The following GRIN2B variants were observed in gnomAD, a reference collection of about 807,000 sequenced individuals.
GRIN2B encodes glutamate receptor ionotropic, NMDA 2B.
Under a neutral mutation model 114.5 loss-of-function variants are expected in GRIN2B, and 5 were observed. The ratio of observed to expected loss-of-function variants is 0.04; its 90% CI spans 0.02 to 0.09. GRIN2B has a LOEUF of 0.09. GRIN2B is among the 10% of genes least tolerant of loss of function. GRIN2B has a pLI of 1.00. For missense variants in GRIN2B, 1,108 were observed against 1,943.5 expected (o/e 0.57, Z 8.08); for synonymous variants, 787 against 745.1 (o/e 1.06, Z -0.92).
At chr12:13,807,035 A>G (rs1307905442) in intron 3 of GRIN2B, among the ~76,000 whole-genome samples, 2 of 152,106 alleles carry the variant, frequency 1.3e-5, no homozygotes, top group Non-Finnish European at 2.9e-5. Context: ...CTTGTAAATT[A>G]TAACACTTTA....
intron 5 of GRIN2B, among the ~76,000 whole-genome samples, chr12:13,665,187 GTGTGA>G (rs1333870130): frequency 6.7e-6 from 1 of 149,556 alleles, no homozygotes; most frequent in African/African-American, 2.5e-5. Context: ...GTGTGTGTGT[GTGTGA>G]TAACAGGAAT....
At chr12:13,819,505 A>G (rs1285276960) in intron 3 of GRIN2B, among the ~76,000 whole-genome samples, 1 of 152,192 alleles carries the variant, frequency 6.6e-6, no homozygotes, top group Admixed American at 6.5e-5. Flanking sequence ...TTAAGATCCT[A>G]GGAACAGGAT....
intron 4 of GRIN2B, among the ~76,000 whole-genome samples, chr12:13,716,978 G>A (rs769729063): frequency 2.6e-5 from 4 of 151,596 alleles, no homozygotes; most frequent in African/African-American, 9.7e-5. Context: ...AAATAAGAAC[G>A]GTCAGTTCTC....
At chr12:13,956,258 G>A (rs1057272211) in intron 2 of GRIN2B, among the ~76,000 whole-genome samples, 1 of 152,170 alleles carries the variant, frequency 6.6e-6, no homozygotes, top group African/African-American at 2.4e-5. Flanking sequence ...AGGCGACAAA[G>A]GCCGTGAGAG....
At chr12:13,709,084 C>A (rs1950390727) in intron 4 of GRIN2B, among the ~76,000 whole-genome samples, 2 of 151,958 alleles carry the variant, frequency 1.3e-5, no homozygotes, top group South Asian at 4.1e-4. Context: ...CAATTTTTTT[C>A]TCCTACTTAA....
intron 4 of GRIN2B, among the ~76,000 whole-genome samples, chr12:13,711,374 C>A (rs532865882): frequency 7.4e-4 from 113 of 151,916 alleles, no homozygotes; most frequent in Admixed American, 5.0e-3. Context: ...CAAAATTGAG[C>A]AATGGGATCT....
chr12:13,680,731 G>C (rs1950122817), intron 4 of GRIN2B, among the ~76,000 whole-genome samples: 1 of 151,970 alleles, frequency 6.6e-6, no homozygotes, highest in Non-Finnish European at 1.5e-5. Context: ...CTCAGCTCAG[G>C]GTCCTTCCAT....
In GRIN2B at chr12:13,711,518, C is replaced by A. The variant is rs538964832; in HGVS notation, c.1011-35659G>T. ...AATATCCAGAATCTACAATGAACTCCAACAAATTTATAAGAAAAAAACAAA... is the reference window on the plus strand; with the variant it reads ...AATATCCAGAATCTACAATGAACTCAAACAAATTTATAAGAAAAAAACAAA... On this transcript the variant is annotated intron_variant, in intron 4 of 13. Coordinates refer to ENST00000609686, the MANE Select transcript of GRIN2B (RefSeq NM_000834.5). Among the ~76,000 whole-genome samples, 810 of 151,754 alleles carry A rather than the reference C, an allele frequency of 5.3e-3. 2 individuals are homozygous for A. The highest frequency in any genetic ancestry group is 8.3e-3 in the Non-Finnish European group (564 of 67,840).
intron 10 of GRIN2B, among the ~76,000 whole-genome samples, chr12:13,599,210 A>C (rs542983683): frequency 1.3e-5 from 2 of 152,160 alleles, no homozygotes; most frequent in Non-Finnish European, 2.9e-5. Context: ...GGAAATCTCG[A>C]TGTGGAATCG....
chr12:13,632,808 A>G (rs560939606), intron 5 of GRIN2B, among the ~76,000 whole-genome samples: 6 of 152,312 alleles, frequency 3.9e-5, no homozygotes, highest in African/African-American at 1.2e-4. Flanking sequence ...GTGGTTTTCA[A>G]CCAGTGTATA....
intron 2 of GRIN2B, among the ~76,000 whole-genome samples, chr12:13,953,097 T>C (rs1591638694): frequency 6.6e-6 from 1 of 151,952 alleles, no homozygotes; most frequent in South Asian, 2.1e-4. Flanking sequence ...CTTCTCAACT[T>C]ACATGGCTGA....
At chr12:13,566,083 C>T (rs751515926) in intron 13 of GRIN2B, among the ~76,000 whole-genome samples, 4 of 152,176 alleles carry the variant, frequency 2.6e-5, no homozygotes, top group Non-Finnish European at 5.9e-5. Flanking sequence ...ACCCCAAGTT[C>T]CAGCCTCCTG....
intron 3 of GRIN2B, among the ~76,000 whole-genome samples, chr12:13,768,378 T>C (rs906253285): frequency 1.3e-5 from 2 of 152,168 alleles, no homozygotes; most frequent in African/African-American, 4.8e-5. Flanking sequence ...CTTGAAAGAA[T>C]GGCAAGTCTT....
Position 13,546,392 on chromosome 12 carries a change from A to G in GRIN2B, c.*16391T>C, listed in dbSNP as rs894536785. 1.3e-5 allele frequency: 2 copies of G among 152,258 alleles called. No individual in the cohort carries two copies. The highest frequency in any genetic ancestry group is 4.8e-5 in the African/African-American group (2 of 41,464). 9.4% of individuals were successfully genotyped at this position (152,258 alleles called of 1,614,324 possible). A position where few individuals can be genotyped will look rare whatever the true frequency, so the allele number is the denominator to read the frequency against. ...GCCAGCCTGTCACCATTTCTGAGCC[A>G]TCAATGGCAGCACAGCCTCTCCTTC... On this transcript the variant is annotated 3_prime_UTR_variant, in exon 14 of 14. Transcript: ENST00000609686.
intron 5 of GRIN2B, among the ~76,000 whole-genome samples, chr12:13,629,032 A>G (rs1418184289): frequency 6.6e-5 from 10 of 151,502 alleles, no homozygotes; most frequent in African/African-American, 2.4e-4. Flanking sequence ...GACCACAAAG[A>G]AAAAAAAAGG....
At chr12:13,905,319 C>T (rs1866519303) in intron 2 of GRIN2B, among the ~76,000 whole-genome samples, 1 of 152,202 alleles carries the variant, frequency 6.6e-6, no homozygotes, top group Non-Finnish European at 1.5e-5. Context: ...CTATACAAAT[C>T]AGCTGCTAGA....
chr12:13,547,981 A>ATATATATATATATATT lies in GRIN2B; in HGVS notation c.*14801_*14802insAATATATATATATATA. The ATATATATATATATATT allele has an allele frequency of 4.4e-5, 3 of 68,584 alleles. No homozygotes were observed. Among genetic ancestry groups the ATATATATATATATATT allele is most frequent in the Non-Finnish European group, 5.8e-5 (2 of 34,396 alleles). The allele number at this position is 68,584 out of a possible 1,614,324, so 4.2% of individuals were successfully genotyped here. A position where few individuals can be genotyped will look rare whatever the true frequency, so the allele number is the denominator to read the frequency against. Reference sequence around the variant, plus strand: ...TGTGTATATATATATATATATATATATTTTTTTTTTTTTTCTGAAAGCTAC... The same window carrying ATATATATATATATATT: ...TGTGTATATATATATATATATATATATATATATATATATATTTTTTTTTTTTTTTTCTGAAAGCTAC... On this transcript the variant is annotated 3_prime_UTR_variant, in exon 14 of 14. Transcript: ENST00000609686.
chr12:13,786,717 C>A (rs1864227691), intron 3 of GRIN2B, among the ~76,000 whole-genome samples: 1 of 151,970 alleles, frequency 6.6e-6, no homozygotes, highest in South Asian at 2.1e-4. Context: ...TGAATTGAAA[C>A]CCAGGTGAAC....
At chr12:13,796,493 T>C (rs1864421455) in intron 3 of GRIN2B, among the ~76,000 whole-genome samples, 1 of 152,214 alleles carries the variant, frequency 6.6e-6, no homozygotes, top group South Asian at 2.1e-4. Context: ...GACAAGCCTT[T>C]CCCCAATTCA....
Sources: gnomAD v4.1 joint callset for allele counts (sites outside exome capture counted in the v4.1 genomes callset) on GRCh38, gnomAD v4.1.1 for gene constraint, MANE v1.5 for transcripts, NCBI Gene and HGNC (gene_info 2026-07-23, HGNC 2026-07-21) for gene names.